Variants in LRMDA observed in about 807,000 individuals in gnomAD.
LRMDA encodes leucine rich melanocyte differentiation associated, also known as leucine-rich melanocyte differentiation-associated protein.
LRMDA carries 18 observed loss-of-function variants against 29.8 expected under a neutral mutation model. The observed-to-expected ratio is 0.60, with a 90% CI of 0.42 to 0.90. The LOEUF (loss-of-function observed/expected upper bound fraction) is 0.90. LRMDA is among the 40% of genes least tolerant of loss of function. The pLI is 0.00. For missense variants in LRMDA, 273 were observed against 273.9 expected, an observed-to-expected ratio of 1.00 and a Z score of 0.02; for synonymous variants, 125 against 109.4, an observed-to-expected ratio of 1.14 and a Z score of -0.89.
intron 2 of LRMDA, among the ~76,000 whole-genome samples, chr10:75,818,724 A>T (rs1564576518): frequency 6.6e-6 from 1 of 152,246 alleles, no homozygotes; most frequent in Non-Finnish European, 1.5e-5. Context: ...GTCATGGGAT[A>T]GAGGATAACT....
chr10:75,782,750 C>T, intron 2 of LRMDA: 1 of 1,371,206 alleles, frequency 7.3e-7, no homozygotes, highest in Non-Finnish European at 9.4e-7. Flanking sequence ...AGCAGATGCC[C>T]TTTGCTGACT....
rs7897918 is a variant in LRMDA, at chr10:75,870,009, C to G, written c.132-165999C>G. Among the ~76,000 whole-genome samples, 287 of 152,296 alleles carry G rather than the reference C, an allele frequency of 1.9e-3. 1 individual carries two copies. Among genetic ancestry groups the G allele is most frequent in the Non-Finnish European group, 3.0e-3 (201 of 68,026 alleles). ...CTCTTGCTGCTTCGTTTATATGAAC[C>G]AGCCTTTCTCACCTGGGGCTGTGGG... On this transcript the variant is annotated intron_variant, in intron 2 of 6. Coordinates refer to ENST00000611255, the MANE Select transcript of LRMDA (RefSeq NM_001305581.2).
chr10:75,852,550 A>C (rs985227244), intron 2 of LRMDA, among the ~76,000 whole-genome samples: 6 of 151,934 alleles, frequency 3.9e-5, no homozygotes, highest in Non-Finnish European at 8.8e-5. Flanking sequence ...AACAAAAAAA[A>C]CAACAAAAAA....
At chr10:75,992,635 C>A (rs1373366100) in intron 2 of LRMDA, among the ~76,000 whole-genome samples, 1 of 152,170 alleles carries the variant, frequency 6.6e-6, no homozygotes, top group African/African-American at 2.4e-5. Context: ...GAGAAAGGGA[C>A]AACCTTTCCC....
intron 2 of LRMDA, among the ~76,000 whole-genome samples, chr10:75,511,100 G>A (rs1845220702): frequency 6.6e-6 from 1 of 152,152 alleles, no homozygotes; most frequent in Non-Finnish European, 1.5e-5. Flanking sequence ...GGCTGAGGTG[G>A]GCAGATCGCT....
intron 5 of LRMDA, among the ~76,000 whole-genome samples, chr10:76,281,301 C>T (rs1390050029): frequency 1.3e-5 from 2 of 152,128 alleles, no homozygotes; most frequent in East Asian, 1.9e-4. Flanking sequence ...AAAGCCAAGG[C>T]ACGTGGTAGG....
intron 6 of LRMDA, among the ~76,000 whole-genome samples, chr10:76,389,769 C>T (rs1233610472): frequency 6.6e-6 from 1 of 152,156 alleles, no homozygotes; most frequent in Non-Finnish European, 1.5e-5. Context: ...ATAATGTCCT[C>T]AAAATTCATC....
chr10:76,250,706 TAC>T (rs971485214), intron 5 of LRMDA, among the ~76,000 whole-genome samples: 12 of 152,224 alleles, frequency 7.9e-5, no homozygotes, highest in Middle Eastern at 6.3e-3. Context: ...ATTTTTTCCA[TAC>T]AGTCTTTTCT....
At chr10:75,801,739 CT>C (rs1843746199) in intron 2 of LRMDA, among the ~76,000 whole-genome samples, 1 of 152,092 alleles carries the variant, frequency 6.6e-6, no homozygotes, top group African/African-American at 2.4e-5. Flanking sequence ...GGCATTTGCT[CT>C]GAGTGAGAGA....
intron 2 of LRMDA, among the ~76,000 whole-genome samples, chr10:75,942,840 T>C (rs1846415439): frequency 6.6e-6 from 1 of 152,328 alleles, no homozygotes; most frequent in South Asian, 2.1e-4. Context: ...CATTGCTCTC[T>C]CTGTAACTAT....
At position 75,485,580 on chromosome 10, in the gene LRMDA, G is replaced by A. The variant is rs750430303; in HGVS notation, c.131+47086G>A. ...CCCAGCTAATTTTGTGTGTGTGTGT[G>A]TATATATATATACATATTTTGAGAT... is the stretch of plus-strand genomic sequence containing the variant. On this transcript the variant is annotated intron_variant, in intron 2 of 6. Coordinates refer to ENST00000611255, the MANE Select transcript of LRMDA (RefSeq NM_001305581.2). Among the ~76,000 whole-genome samples the A allele has an allele frequency of 1.6e-3, 238 of 150,462 alleles. No individual in the cohort carries two copies. The Middle Eastern group carries it at 0.027, about 17-fold the overall frequency.
intron 5 of LRMDA, among the ~76,000 whole-genome samples, chr10:76,276,056 T>TA (rs1840130032): frequency 4.7e-5 from 7 of 149,514 alleles, no homozygotes; most frequent in African/African-American, 1.5e-4. Context: ...TATCTATCTC[T>TA]TTCTTTCTCT....
intron 6 of LRMDA, among the ~76,000 whole-genome samples, chr10:76,458,006 G>C (rs79112743): frequency 4.9e-3 from 750 of 152,008 alleles, no homozygotes; most frequent in African/African-American, 0.017. Context: ...TACAGTAAGG[G>C]AAATAGGAGG....
intron 2 of LRMDA, among the ~76,000 whole-genome samples, chr10:75,846,479 T>C (rs549865427): frequency 2.0e-5 from 3 of 152,284 alleles, no homozygotes; most frequent in East Asian, 3.9e-4. Context: ...GGATTTATTA[T>C]CTAACTAATG....
chr10:75,447,063 A>C lies in LRMDA; in HGVS notation c.131+8569A>C, dbSNP rs537344044. Among the ~76,000 whole-genome samples the C allele has an allele frequency of 4.6e-5, 7 of 152,338 alleles. No homozygotes were observed. In the East Asian group the frequency reaches 1.3e-3, roughly 29 times the overall value. On this transcript the variant is annotated intron_variant, in intron 2 of 6. Coordinates refer to ENST00000611255, the MANE Select transcript of LRMDA (RefSeq NM_001305581.2). The stretch of plus-strand genomic sequence containing the variant: ...TTGAGCAGAAGAGGTGATGGTAGAA[A>C]AGATAGACTTTAGAAGATAAATTGT...
intron 2 of LRMDA, among the ~76,000 whole-genome samples, chr10:76,005,855 G>A (rs1374041326): frequency 1.0e-4 from 15 of 149,426 alleles, no homozygotes; most frequent in African/African-American, 3.0e-4. Flanking sequence ...GCGTGAACCC[G>A]GGAGGCGGAG....
intron 5 of LRMDA, among the ~76,000 whole-genome samples, chr10:76,284,647 T>G (rs1462205883): frequency 6.6e-6 from 1 of 152,182 alleles, no homozygotes; most frequent in Non-Finnish European, 1.5e-5. Flanking sequence ...ATTATTTGTT[T>G]AAGATAGGGA....
chr10:76,464,791 C>CA (rs1278559252), intron 6 of LRMDA: 1 of 152,178 alleles, frequency 6.6e-6, no homozygotes, highest in African/African-American at 2.4e-5. Context: ...AAGTTTCCCT[C>CA]ATATCTTCAT....
At chr10:75,997,700 C>T (rs1427938747) in intron 2 of LRMDA, among the ~76,000 whole-genome samples, 1 of 152,204 alleles carries the variant, frequency 6.6e-6, no homozygotes, top group Non-Finnish European at 1.5e-5. Context: ...GAGGCACTCA[C>T]CTTGCTGGCA....
Sources: allele counts gnomAD v4.1 joint callset (sites outside exome capture counted in the v4.1 genomes callset), GRCh38; gene constraint gnomAD v4.1.1; transcripts MANE v1.5; gene names NCBI Gene and HGNC (gene_info 2026-07-23, HGNC 2026-07-21).